Variants in KCNH8 observed in about 807,000 individuals in gnomAD.
The protein encoded by KCNH8 is potassium voltage-gated channel subfamily H member 8.
Under a neutral mutation model 103.6 loss-of-function variants are expected in KCNH8, and 70 were observed. That is an observed-to-expected ratio of 0.68 (90% confidence interval 0.56 to 0.82). The LOEUF is 0.82. Ranked by LOEUF, KCNH8 falls within the 40% of genes least tolerant of loss-of-function variation. The pLI, the probability that KCNH8 is intolerant of heterozygous loss-of-function variation, is 0.00. For synonymous variants in KCNH8, 498 were observed against 489.4 expected, an observed-to-expected ratio of 1.02 and a Z score of -0.23; for missense variants, 1,217 against 1,329.9, an observed-to-expected ratio of 0.92 and a Z score of 1.32.
intron 11 of KCNH8, among the ~76,000 whole-genome samples, chr3:19,506,360 G>T (rs1310693302): frequency 6.6e-6 from 1 of 152,200 alleles, no homozygotes; most frequent in East Asian, 1.9e-4. Flanking sequence ...GAGGGCCAAG[G>T]CTTTGTGCAG....
At chr3:19,190,251 T>C (rs1427530005) in intron 1 of KCNH8, among the ~76,000 whole-genome samples, 1 of 151,988 alleles carries the variant, frequency 6.6e-6, no homozygotes, top group Non-Finnish European at 1.5e-5. Context: ...GGAAAAATTT[T>C]ATTCACTTCC....
chr3:19,475,032 C>A (rs765656149), intron 11 of KCNH8, among the ~76,000 whole-genome samples: 19 of 152,090 alleles, frequency 1.2e-4, no homozygotes, highest in Non-Finnish European at 2.5e-4. Flanking sequence ...ATTGTTCCTC[C>A]AAAGAATCTA....
chr3:19,243,165 T>C (rs977911365), intron 1 of KCNH8, among the ~76,000 whole-genome samples: 1 of 152,184 alleles, frequency 6.6e-6, no homozygotes, highest in Non-Finnish European at 1.5e-5. Flanking sequence ...ATCTGCTTTA[T>C]TTCAGCCTAA....
rs184860651 is a variant in KCNH8 at position 19,199,934 on chromosome 3, T to C, written c.76+51139T>C. Among the ~76,000 whole-genome samples, 9 of 152,164 alleles carry C rather than the reference T, an allele frequency of 5.9e-5. No homozygotes were observed. The East Asian group carries it at 1.7e-3, about 29-fold the overall frequency. ...CCACAGTTCATTATGAAGAAGTTCA[T>C]AGTAGGATTTCTTTTTAAACTGCTC... On this transcript the variant is annotated intron_variant, in intron 1 of 15. Coordinates refer to ENST00000328405, the MANE Select transcript of KCNH8 (RefSeq NM_144633.3).
intron 1 of KCNH8, among the ~76,000 whole-genome samples, chr3:19,243,145 A>G (rs1326369407): frequency 6.6e-6 from 1 of 152,164 alleles, no homozygotes; most frequent in Non-Finnish European, 1.5e-5. Context: ...CTTAATAAAC[A>G]AAAGCTATTA....
chr3:19,203,235 A>T (rs781396812), intron 1 of KCNH8, among the ~76,000 whole-genome samples: 1 of 152,218 alleles, frequency 6.6e-6, no homozygotes, highest in Non-Finnish European at 1.5e-5. Flanking sequence ...AATGGGAAGG[A>T]TGTTTTGTTA....
intron 11 of KCNH8, among the ~76,000 whole-genome samples, chr3:19,493,931 A>G (rs1005849079): frequency 6.6e-6 from 1 of 152,090 alleles, no homozygotes; most frequent in African/African-American, 2.4e-5. Flanking sequence ...CAGTTTTGGT[A>G]TGTAGATTAT....
At chr3:19,332,077 C>G (rs2065518715) in intron 3 of KCNH8, among the ~76,000 whole-genome samples, 1 of 146,892 alleles carries the variant, frequency 6.8e-6, no homozygotes, top group South Asian at 2.1e-4. Context: ...TTCACATACA[C>G]TTCACGTGTG....
At chr3:19,234,943 G>C (rs1021880788) in intron 1 of KCNH8, among the ~76,000 whole-genome samples, 1 of 152,246 alleles carries the variant, frequency 6.6e-6, no homozygotes, top group Non-Finnish European at 1.5e-5. Flanking sequence ...TGGCCACTCT[G>C]TGACACTGAA....
intron 13 of KCNH8, among the ~76,000 whole-genome samples, chr3:19,514,428 G>A (rs1382778652): frequency 2.0e-5 from 3 of 151,750 alleles, no homozygotes; most frequent in African/African-American, 7.3e-5. Context: ...TTATAAATAG[G>A]AAGAGACTGT....
intron 5 of KCNH8, among the ~76,000 whole-genome samples, chr3:19,370,259 C>G (rs2066069839): frequency 6.6e-6 from 1 of 152,022 alleles, no homozygotes. Flanking sequence ...GTATCCTCTA[C>G]TAAACTACAA....
chr3:19,512,656 A>C (rs1417436806), intron 12 of KCNH8, among the ~76,000 whole-genome samples: 2 of 152,116 alleles, frequency 1.3e-5, no homozygotes, highest in Non-Finnish European at 2.9e-5. Flanking sequence ...AGGCTGATTA[A>C]AATCTAGTTG....
At chr3:19,342,442 A>T in intron 3 of KCNH8, 145 bp from the exon 4 acceptor site, 2 of 621,262 alleles carry the variant, frequency 3.2e-6, no homozygotes, top group Non-Finnish European at 4.9e-6. Flanking sequence ...GACTAAAATT[A>T]AATTAAATGT....
chr3:19,152,692 T>C (rs547834717), intron 1 of KCNH8, among the ~76,000 whole-genome samples: 1 of 152,244 alleles, frequency 6.6e-6, no homozygotes, highest in Non-Finnish European at 1.5e-5. Flanking sequence ...TCCCAGCACT[T>C]TGGGAGGCTG....
rs182718925 is a variant in KCNH8, at chr3:19,439,883, A to G, written c.1375+1522A>G. On this transcript the variant is annotated intron_variant, in intron 8 of 15. Coordinates refer to ENST00000328405, the MANE Select transcript of KCNH8 (RefSeq NM_144633.3). ...AAGAATATAATGAGTCATAAAGGAT[A>G]AAAAGAAGGAAAGCAAAAGGAACTG... Among the ~76,000 whole-genome samples the G allele has an allele frequency of 4.0e-3, 608 of 152,210 alleles. 5 individuals are homozygous for G. The highest frequency in any genetic ancestry group is 0.017 in the Middle Eastern group (5 of 294).
chr3:19,354,792 A>G (rs1428600380), intron 5 of KCNH8, among the ~76,000 whole-genome samples: 1 of 152,228 alleles, frequency 6.6e-6, no homozygotes, highest in Non-Finnish European at 1.5e-5. Flanking sequence ...AAGAAAACCT[A>G]GGCAATACCA....
intron 1 of KCNH8, among the ~76,000 whole-genome samples, chr3:19,209,050 A>G (rs2063743873): frequency 6.6e-6 from 1 of 151,964 alleles, no homozygotes. Context: ...TATATATAGT[A>G]TATAAATATA....
intron 1 of KCNH8, among the ~76,000 whole-genome samples, chr3:19,162,722 GAAC>G (rs1015391375): frequency 4.6e-5 from 7 of 151,722 alleles, no homozygotes; most frequent in Admixed American, 3.9e-4. Flanking sequence ...TCTAAATCTG[GAAC>G]AACATTACAA....
chr3:19,228,689 T>C (rs1348088642), intron 1 of KCNH8, among the ~76,000 whole-genome samples: 1 of 152,254 alleles, frequency 6.6e-6, no homozygotes, highest in Non-Finnish European at 1.5e-5. Context: ...ACGTCACCAA[T>C]ATATTTAGCT....
Sources: allele counts gnomAD v4.1 joint callset (sites outside exome capture counted in the v4.1 genomes callset), GRCh38; gene constraint gnomAD v4.1.1; transcripts MANE v1.5; gene names NCBI Gene and HGNC (gene_info 2026-07-23, HGNC 2026-07-21).